The following XKR5 variants were observed in gnomAD, a reference collection of about 807,000 sequenced individuals.
XKR5 encodes the protein XK-related protein 5.
A neutral mutation model predicts 40.8 loss-of-function variants in XKR5; 46 were observed. The observed-to-expected ratio is 1.13, with a 90% CI of 0.89 to 1.44. The LOEUF is 1.44. XKR5 is among the 40% of genes most tolerant of loss of function. The pLI is 0.00. For synonymous variants in XKR5, 466 were observed against 356.1 expected, an observed-to-expected ratio of 1.31 and a Z score of -3.48; for missense variants, 1,169 against 844.7, an observed-to-expected ratio of 1.38 and a Z score of -4.76.
intron 5 of XKR5, among the ~76,000 whole-genome samples, chr8:6,817,557 C>A (rs1445609814): frequency 6.6e-6 from 1 of 152,018 alleles, no homozygotes; most frequent in African/African-American, 2.4e-5. Context: ...AGCTCAAGGC[C>A]TCACCCCTAC....
At chr8:6,829,671 A>C (rs1296591619) in intron 2 of XKR5, among the ~76,000 whole-genome samples, 7 of 152,016 alleles carry the variant, frequency 4.6e-5, no homozygotes, top group Non-Finnish European at 8.8e-5. Flanking sequence ...GTGCGTGACC[A>C]CGCCTGGCTA....
chr8:6,834,742 C>G (rs1380810342), intron 1 of XKR5, among the ~76,000 whole-genome samples: 2 of 152,226 alleles, frequency 1.3e-5, no homozygotes, highest in African/African-American at 2.4e-5. Flanking sequence ...GGCGGAGACG[C>G]TCCTCCCGGC....
chr8:6,828,816 G>C (rs1563361848), intron 2 of XKR5, among the ~76,000 whole-genome samples: 2 of 152,152 alleles, frequency 1.3e-5, no homozygotes, highest in Admixed American at 6.5e-5. Context: ...CAATGCCTGA[G>C]GATAAAATCC....
chr8:6,822,127 T>C (rs967511751), intron 4 of XKR5, 89 bp from the exon 5 acceptor site: 3 of 1,328,286 alleles, frequency 2.3e-6, no homozygotes, highest in Admixed American at 2.6e-5. Context: ...TGGAAGGCTC[T>C]CCGACCACAT....
chr8:6,818,818 C>T (rs557708751), intron 5 of XKR5, among the ~76,000 whole-genome samples: 6 of 152,326 alleles, frequency 3.9e-5, no homozygotes, highest in East Asian at 1.9e-4. Context: ...CCTGCCAGAC[C>T]GTTCCAGCAG....
rs772499678 is a variant in XKR5, at chr8:6,811,020, T to A, written c.*178A>T. 2 of 647,816 alleles carry A rather than the reference T, an allele frequency of 3.1e-6. No homozygotes were observed. The highest frequency in any genetic ancestry group is 1.8e-5 in the African/African-American group (1 of 54,996). 40.1% of individuals were successfully genotyped at this position (647,816 alleles called of 1,614,324 possible). A position where few individuals can be genotyped will look rare whatever the true frequency, so the allele number is the denominator to read the frequency against. Reference sequence around the variant, plus strand: ...ATGGGTGGGGTCTGTGATGTTTGCATTGGACCTGCAAAATCATCCAGCCCT... The same window carrying A: ...ATGGGTGGGGTCTGTGATGTTTGCAATGGACCTGCAAAATCATCCAGCCCT... On this transcript the variant is annotated 3_prime_UTR_variant, in exon 7 of 7. Coordinates refer to ENST00000618742, the MANE Select transcript of XKR5 (RefSeq NM_207411.5).
chr8:6,821,938 G>A lies in XKR5; in HGVS notation c.738C>T (p.Ala246=), dbSNP rs774887204. The A allele has an allele frequency of 3.1e-6, 5 of 1,612,826 alleles. No homozygotes were observed. The highest frequency in any genetic ancestry group is 2.2e-5 in the South Asian group (2 of 90,808). The part of the protein sequence containing the change: ...HWRLFNLLVG[A]VYILCYLSFW... Reference sequence around the variant, plus strand: ...AGCTGAGGTAGCAGAGGATGTACACGGCCCCCACGAGCAGGTTGAACAGCC... The same window carrying A: ...AGCTGAGGTAGCAGAGGATGTACACAGCCCCCACGAGCAGGTTGAACAGCC... The change falls in exon 5 of 7, where the codon GCC becomes GCT. Residue 246 remains alanine, a synonymous_variant. Coordinates refer to ENST00000618742, the MANE Select transcript of XKR5 (RefSeq NM_207411.5).
Position 6,821,950 on chromosome 8 carries a change from CA to C in XKR5, c.725del (p.Leu242ArgfsTer56). On this transcript the variant is annotated frameshift_variant, in exon 5 of 7. Transcript: ENST00000618742. LOFTEE classifies it high-confidence loss of function. Reference sequence around the variant, plus strand: ...AGAGGATGTACACGGCCCCCACGAGCAGGTTGAACAGCCTCCAGTGGCAGGT... The same window carrying C: ...AGAGGATGTACACGGCCCCCACGAGCGGTTGAACAGCCTCCAGTGGCAGGT... ...DSTCHWRLFN[L>X]LVGAVYILCY... 1 of 1,612,728 alleles carries C rather than the reference CA, an allele frequency of 6.2e-7. No individual in the cohort carries two copies. Among genetic ancestry groups the C allele is most frequent in the Non-Finnish European group, 8.5e-7 (1 of 1,179,344 alleles).
chr8:6,818,460 A>G (rs1766924139), intron 5 of XKR5, among the ~76,000 whole-genome samples: 1 of 152,216 alleles, frequency 6.6e-6, no homozygotes, highest in Admixed American at 6.5e-5. Context: ...GTGGTGTCTA[A>G]CTCCATTTTC....
Position 6,825,250 on chromosome 8 carries a change from G to C in XKR5, c.342C>G (p.Leu114=). 1 of 1,612,772 alleles carries C rather than the reference G, an allele frequency of 6.2e-7. No individual in the cohort carries two copies. Among genetic ancestry groups the C allele is most frequent in the East Asian group, 2.2e-5 (1 of 44,738 alleles). ...GCCCAGTCTGCAGCAGGGCCTCCAAGAGTCGAAGGGCCGACAGGTCGGCCT... is the reference window on the plus strand; with the variant it reads ...GCCCAGTCTGCAGCAGGGCCTCCAACAGTCGAAGGGCCGACAGGTCGGCCT... The part of the protein sequence containing the change: ...LQEADLSALR[L]LEALLQTGPH... The change falls in exon 3 of 7, where the codon CTC becomes CTG. Residue 114 remains leucine, a synonymous_variant. Coordinates refer to ENST00000618742, the MANE Select transcript of XKR5 (RefSeq NM_207411.5).
intron 4 of XKR5, among the ~76,000 whole-genome samples, chr8:6,822,690 C>G (rs1356315752): frequency 6.6e-6 from 1 of 152,204 alleles, no homozygotes; most frequent in Admixed American, 6.5e-5. Flanking sequence ...AGTATATTCA[C>G]TGATGACCAG....
Position 6,834,680 on chromosome 8 carries a change from C to T in XKR5, c.58+756G>A, listed in dbSNP as rs188889753. 7.4e-3 allele frequency among the ~76,000 whole-genome samples: 1,111 copies of T among 150,852 alleles called. 13 individuals carry two copies. Among genetic ancestry groups the T allele is most frequent in the African/African-American group, 0.026 (1,028 of 40,188 alleles). ...CGTTCCCAGGGTACCCCCTCTTCCA[C>T]CCCAGGGACTCTGCCCGGGAAAAAG... On this transcript the variant is annotated intron_variant, in intron 1 of 6. Coordinates refer to ENST00000618742, the MANE Select transcript of XKR5 (RefSeq NM_207411.5).
intron 5 of XKR5, among the ~76,000 whole-genome samples, chr8:6,817,355 C>T (rs1218659225): frequency 6.6e-6 from 1 of 152,146 alleles, no homozygotes; most frequent in African/African-American, 2.4e-5. Context: ...GGTCATCTTC[C>T]AGCATGCTCT....
intron 4 of XKR5, among the ~76,000 whole-genome samples, chr8:6,822,936 T>G (rs147398060): frequency 6.8e-4 from 103 of 152,340 alleles, no homozygotes; most frequent in African/African-American, 2.4e-3. Flanking sequence ...GACTGTATAT[T>G]TTTATATCAG....
intron 2 of XKR5, among the ~76,000 whole-genome samples, chr8:6,828,968 T>G (rs1804639253): frequency 6.6e-6 from 1 of 152,176 alleles, no homozygotes; most frequent in Non-Finnish European, 1.5e-5. Context: ...CTGGCACGCA[T>G]CTATGTCTTT....
chr8:6,824,037 G>C (rs28651316), intron 3 of XKR5, among the ~76,000 whole-genome samples: 3 of 152,204 alleles, frequency 2.0e-5, no homozygotes, highest in Admixed American at 2.0e-4. Context: ...TAAGAAAAAC[G>C]TCCCAGCTCC....
chr8:6,812,908 T>C (rs1457254497), intron 6 of XKR5, among the ~76,000 whole-genome samples: 3 of 152,248 alleles, frequency 2.0e-5, no homozygotes, highest in Non-Finnish European at 4.4e-5. Context: ...TGCATAAACA[T>C]CTTAATCACA....
intron 6 of XKR5, among the ~76,000 whole-genome samples, chr8:6,815,443 G>C (rs748888659): frequency 6.6e-6 from 1 of 152,124 alleles, no homozygotes; most frequent in African/African-American, 2.4e-5. Context: ...CGGGGTGCTT[G>C]TCTATGGGCT....
intron 4 of XKR5, among the ~76,000 whole-genome samples, chr8:6,823,188 G>C (rs1390728684): frequency 3.9e-5 from 6 of 152,198 alleles, no homozygotes; most frequent in Non-Finnish European, 2.9e-5. Flanking sequence ...CCATGCTCTT[G>C]AATCTGGGCT....
Sources: gnomAD v4.1 joint callset for allele counts (sites outside exome capture counted in the v4.1 genomes callset) on GRCh38, gnomAD v4.1.1 for gene constraint, MANE v1.5 for transcripts, NCBI Gene and HGNC (gene_info 2026-07-23, HGNC 2026-07-21) for gene names.